The following SLC22A11 variants were observed in gnomAD, a reference collection of about 807,000 sequenced individuals.
SLC22A11 encodes solute carrier family 22 member 11, also known as organic anion transporter 4.
SLC22A11 carries 42 observed loss-of-function variants against 49.4 expected under a neutral mutation model. The ratio of observed to expected loss-of-function variants is 0.85; its 90% CI spans 0.66 to 1.10. The LOEUF is 1.10. Ranked by LOEUF, SLC22A11 falls within the 50% of genes least tolerant of loss-of-function variation. The pLI, the probability that SLC22A11 is intolerant of heterozygous loss-of-function variation, is 0.00. For synonymous variants in SLC22A11, 304 were observed against 315.8 expected, an observed-to-expected ratio of 0.96 and a Z score of 0.40; for missense variants, 685 against 731.6, an observed-to-expected ratio of 0.94 and a Z score of 0.74.
In SLC22A11 at chr11:64,569,701, A is replaced by G; in HGVS notation, c.1432A>G (p.Met478Val). Residue 478 changes from methionine to valine, a missense_variant, in exon 9 of 10, where the codon ATG (methionine) becomes GTG (valine). By Grantham distance (21) the Met-to-Val change is conservative. Transcript: ENST00000301891. ...TACAGTGGGCCGGCTGGGGGCTATG[A>G]TGGGTCCCCTGATCCTGATGAGCCG... ...LHTVGRLGAMMGPLILMSRQA... is the reference protein window; with the variant it reads ...LHTVGRLGAMVGPLILMSRQA... 1 of 1,614,064 alleles carries G rather than the reference A, an allele frequency of 6.2e-7. No individual in the cohort carries two copies.
In SLC22A11 at chr11:64,565,434, C is replaced by A; in HGVS notation, c.1058+97C>A. 3 of 989,674 alleles carry A rather than the reference C, an allele frequency of 3.0e-6. No homozygotes were observed. Among genetic ancestry groups the A allele is most frequent in the Middle Eastern group, 2.1e-4 (1 of 4,662 alleles). 61.3% of individuals were successfully genotyped at this position (989,674 alleles called of 1,614,324 possible). ...GGCAGAGCGTCCAGGGGAAACAGCA[C>A]CCGCAGGCCTCAAGGGGGTGCATTT... On this transcript the variant is annotated intron_variant, in intron 6 of 9. Coordinates refer to ENST00000301891, the MANE Select transcript of SLC22A11 (RefSeq NM_018484.4). This position sits in a 1 kb window ranked among gnomAD's most constrained non-coding sequence, Gnocchi z 4.1.
In SLC22A11 at chr11:64,556,371, C is replaced by A. The variant is rs1414603836; in HGVS notation, c.372C>A (p.Phe124Leu). ...GCTGGGTCTATGACCGCAGCGTCTT[C>A]ACCTCCACCATCGTGGCCAAGGTAG... ...VDGWVYDRSV[F>L]TSTIVAKWDL... Residue 124 changes from phenylalanine to leucine, a missense_variant, in exon 1 of 10, where the codon TTC (phenylalanine) becomes TTA (leucine). Coordinates refer to ENST00000301891, the MANE Select transcript of SLC22A11 (RefSeq NM_018484.4). 2 of 1,611,788 alleles carry A rather than the reference C, an allele frequency of 1.2e-6. No homozygotes were observed. The highest frequency in any genetic ancestry group is 1.7e-6 in the Non-Finnish European group (2 of 1,180,014).
Position 64,556,159 on chromosome 11 carries a change from C to T in SLC22A11, c.160C>T (p.Leu54=), listed in dbSNP as rs776086473. 4.3e-6 allele frequency: 7 copies of T among 1,614,228 alleles called. No individual in the cohort carries two copies. In the South Asian group the frequency reaches 5.5e-5, roughly 13 times the overall value. Residue 54 remains leucine (L), a synonymous_variant, in exon 1 of 10, where the codon CTG becomes TTG. Transcript: ENST00000301891. ...IPGHRCWTHM[L]DNGSAVSTNM... is the part of the protein sequence containing the mutation. ...AGGCCACCGATGCTGGACACACATG[C>T]TGGACAATGGCTCTGCGGTTTCCAC...
chr11:64,569,384 T>C (rs1184364360), intron 8 of SLC22A11, among the ~76,000 whole-genome samples: 1 of 152,094 alleles, frequency 6.6e-6, no homozygotes, highest in Admixed American at 6.5e-5. Flanking sequence ...AAAGCCTGAG[T>C]TGGGAGCTCA....
intron 1 of SLC22A11, among the ~76,000 whole-genome samples, chr11:64,558,905 C>G (rs1427149265): frequency 6.6e-6 from 1 of 152,198 alleles, no homozygotes; most frequent in Non-Finnish European, 1.5e-5. Flanking sequence ...GCCACTGGAC[C>G]CCGTGGAGTG....
intron 8 of SLC22A11, 86 bp from the exon 9 acceptor site, chr11:64,569,566 C>T (rs2038674915): frequency 1.4e-6 from 2 of 1,416,294 alleles, no homozygotes; most frequent in Non-Finnish European, 1.9e-6. Flanking sequence ...CCCAGCTTTC[C>T]TTCCCCTGGC....
At chr11:64,568,085 C>T (rs2038652850) in intron 7 of SLC22A11, among the ~76,000 whole-genome samples, 1 of 152,244 alleles carries the variant, frequency 6.6e-6, no homozygotes, top group Non-Finnish European at 1.5e-5. Flanking sequence ...TGGCAGAAGG[C>T]CTGAGCGGGG....
intron 7 of SLC22A11, among the ~76,000 whole-genome samples, chr11:64,568,096 A>ACGGAGG (rs1189482728): frequency 3.3e-5 from 5 of 152,210 alleles, no homozygotes; most frequent in Non-Finnish European, 7.4e-5. Flanking sequence ...CTGAGCGGGG[A>ACGGAGG]CGGAGGCGGC....
At chr11:64,567,834 G>A (rs1178584918) in intron 7 of SLC22A11, 21 bp downstream of exon 7, 2 of 1,551,358 alleles carry the variant, frequency 1.3e-6, no homozygotes, top group African/African-American at 1.4e-5. Flanking sequence ...CGGACTGGGC[G>A]GTGGGACCGG....
In SLC22A11 at chr11:64,564,534, G is replaced by A. The variant is rs2038596611; in HGVS notation, c.942+106G>A. ...ACCCACTCCAGCACCACCTCCACCA[G>A]CACCACCACCAGCATCTCCACAGAC... On this transcript the variant is annotated intron_variant, in intron 5 of 9. Coordinates refer to ENST00000301891, the MANE Select transcript of SLC22A11 (RefSeq NM_018484.4). This position sits in a 1 kb window ranked among gnomAD's most constrained non-coding sequence, Gnocchi z 4.2. The A allele has an allele frequency of 2.2e-6, 3 of 1,381,918 alleles. No individual in the cohort carries two copies. Among genetic ancestry groups the A allele is most frequent in the Non-Finnish European group, 3.0e-6 (3 of 1,001,756 alleles). The allele number at this position is 1,381,918 out of a possible 1,614,324, so 85.6% of individuals were successfully genotyped here. A position where few individuals can be genotyped will look rare whatever the true frequency, so the allele number is the denominator to read the frequency against.
intron 7 of SLC22A11, among the ~76,000 whole-genome samples, chr11:64,568,230 A>G (rs908351811): frequency 6.6e-6 from 1 of 152,198 alleles, no homozygotes; most frequent in African/African-American, 2.4e-5. Context: ...TGGGGAGGCC[A>G]GGCCTGCGGC....
chr11:64,564,283 C>T lies in SLC22A11; in HGVS notation c.822-25C>T. On this transcript the variant is annotated intron_variant, in intron 4 of 9. Coordinates refer to ENST00000301891, the MANE Select transcript of SLC22A11 (RefSeq NM_018484.4). This position sits in a 1 kb window ranked among gnomAD's most constrained non-coding sequence, Gnocchi z 4.2. ...CGGGGGAGAGCCCAGCGTGCACTCC[C>T]AGCTACACACCTGCCTCCTTACAGG... 6.2e-7 allele frequency: 1 copy of T among 1,613,628 alleles called. No individual in the cohort carries two copies. Among genetic ancestry groups the T allele is most frequent in the Non-Finnish European group, 8.5e-7 (1 of 1,179,770 alleles).
intron 9 of SLC22A11, among the ~76,000 whole-genome samples, chr11:64,570,599 C>T (rs761103151): frequency 1.6e-4 from 24 of 152,072 alleles, no homozygotes; most frequent in African/African-American, 4.8e-4. Flanking sequence ...TGATGGTGAC[C>T]GAGGTCACAA....
Position 64,559,194 on chromosome 11 carries a change from C to G in SLC22A11, c.453C>G (p.Ser151=), listed in dbSNP as rs145210367. ...CCCTAAGCCAGTCCATCTTCATGTC[C>G]GGGATCCTGGTGGGCTCCTTTATCT... ...LKPLSQSIFM[S]GILVGSFIWG... Residue 151 remains serine (S), a synonymous_variant, in exon 2 of 10, where the codon TCC becomes TCG. Transcript: ENST00000301891. 20 of 1,612,222 alleles carry G rather than the reference C, an allele frequency of 1.2e-5. No individual in the cohort carries two copies. Among genetic ancestry groups the G allele is most frequent in the South Asian group, 3.3e-5 (3 of 90,994 alleles).
intron 2 of SLC22A11, among the ~76,000 whole-genome samples, chr11:64,560,471 T>C (rs1365214037): frequency 6.6e-6 from 1 of 152,122 alleles, no homozygotes; most frequent in Non-Finnish European, 1.5e-5. Context: ...ACCAGCCTCC[T>C]CCTGGGGCCC....
intron 2 of SLC22A11, 114 bp downstream of exon 2, chr11:64,559,352 C>A: frequency 1.3e-6 from 1 of 793,168 alleles, no homozygotes; most frequent in Non-Finnish European, 1.9e-6. Flanking sequence ...CCGTCTCCCT[C>A]CTGCCTCCTC....
chr11:64,564,763 C>T lies in SLC22A11; in HGVS notation c.942+335C>T, dbSNP rs1205774769. ...ACATCTCCACCACCTTCACCACCAT[C>T]GTCACCATCGGTAACAGCACCATCA... On this transcript the variant is annotated intron_variant, in intron 5 of 9. Coordinates refer to ENST00000301891, the MANE Select transcript of SLC22A11 (RefSeq NM_018484.4). This position sits in a 1 kb window ranked among gnomAD's most constrained non-coding sequence, Gnocchi z 4.2. 6.6e-6 allele frequency among the ~76,000 whole-genome samples: 1 copy of T among 152,176 alleles called. No homozygotes were observed. Among genetic ancestry groups the T allele is most frequent in the East Asian group, 1.9e-4 (1 of 5,196 alleles).
chr11:64,565,237 G>A lies in SLC22A11; in HGVS notation c.958G>A (p.Val320Met), dbSNP rs555401510. 71 of 1,543,266 alleles carry A rather than the reference G, an allele frequency of 4.6e-5. No homozygotes were observed. In the South Asian group the frequency reaches 5.4e-4, roughly 12 times the overall value. The change falls in exon 6 of 10, where the codon GTG becomes ATG. Residue 320 changes from valine to methionine, a missense_variant. Transcript: ENST00000301891. The surrounding 1 kb of genome is among the most constrained non-coding windows in gnomAD (Gnocchi z 4.1). Reference sequence around the variant, plus strand: ...TCCCCGGAAGGTGCTGATGTCCAGCGTGAAGGAGGAGGTGGCCTCTGCAAA... The same window carrying A: ...TCCCCGGAAGGTGCTGATGTCCAGCATGAAGGAGGAGGTGGCCTCTGCAAA... ...NLTIEVLMSS[V>M]KEEVASAKEP... is the part of the protein sequence containing the mutation.
Position 64,571,385 on chromosome 11 carries a change from G to A in SLC22A11, c.*343G>A, listed in dbSNP as rs2038701680. ...ACTCAGCCACGCCAACCAGAGACTGGGTTCCAATCTCACCCCACCACATAC... is the reference window on the plus strand; with the variant it reads ...ACTCAGCCACGCCAACCAGAGACTGAGTTCCAATCTCACCCCACCACATAC... On this transcript the variant is annotated 3_prime_UTR_variant, in exon 10 of 10. Coordinates refer to ENST00000301891, the MANE Select transcript of SLC22A11 (RefSeq NM_018484.4). 3.5e-6 allele frequency: 1 copy of A among 284,914 alleles called. No individual in the cohort carries two copies. The highest frequency in any genetic ancestry group is 6.7e-6 in the Non-Finnish European group (1 of 148,836). 17.6% of individuals were successfully genotyped at this position (284,914 alleles called of 1,614,324 possible). A position where few individuals can be genotyped will look rare whatever the true frequency, so the allele number is the denominator to read the frequency against.
Sources: allele counts gnomAD v4.1 joint callset (sites outside exome capture counted in the v4.1 genomes callset), GRCh38; gene constraint gnomAD v4.1.1; non-coding constraint Gnocchi (gnomAD v3.1); transcripts MANE v1.5; gene names NCBI Gene and HGNC (gene_info 2026-07-23, HGNC 2026-07-21).